CSMD1: variants seen among roughly 807,000 people sequenced by gnomAD.
CSMD1 encodes the protein CUB and Sushi multiple domains 1, also known as CUB and sushi domain-containing protein 1.
CSMD1 carries 213 observed loss-of-function variants against 417.5 expected under a neutral mutation model. The ratio of observed to expected loss-of-function variants is 0.51; its 90% CI spans 0.46 to 0.57. The LOEUF (loss-of-function observed/expected upper bound fraction) is 0.57. Among genes scored for constraint, CSMD1 ranks in the 20% least tolerant of loss-of-function variants. CSMD1 has a pLI of 0.00. For missense variants in CSMD1, 6,923 were observed against 4,529.7 expected (o/e 1.53, Z -15.17); for synonymous variants, 2,862 against 1,736.8 (o/e 1.65, Z -16.11).
rs777317609 is a variant in CSMD1, at chr8:3,899,248, G to A, written c.818+98655C>T. Among the ~76,000 whole-genome samples the A allele has an allele frequency of 2.2e-4, 33 of 152,166 alleles. 1 individual carries two copies. Among genetic ancestry groups the A allele is most frequent in the Non-Finnish European group, 4.6e-4 (31 of 68,028 alleles). On this transcript the variant is annotated intron_variant, in intron 5 of 69. Transcript: ENST00000635120. ...GCACAGGAAAGTTGGCACCAGTGTG[G>A]GCAGCCAAGGGAAAGGAGCTCCCCG... is the stretch of plus-strand genomic sequence containing the variant.
intron 3 of CSMD1, among the ~76,000 whole-genome samples, chr8:4,158,297 C>T (rs772677722): frequency 8.2e-4 from 125 of 152,150 alleles, no homozygotes; most frequent in African/African-American, 2.9e-3. Flanking sequence ...AAGTACATGT[C>T]AAGCCCTTGG....
chr8:4,225,126 C>G (rs1347487550), intron 3 of CSMD1, among the ~76,000 whole-genome samples: 1 of 152,036 alleles, frequency 6.6e-6, no homozygotes, highest in African/African-American at 2.4e-5. Flanking sequence ...AAAGAAAAAT[C>G]CTGAAATTCA....
intron 12 of CSMD1, among the ~76,000 whole-genome samples, chr8:3,446,979 G>C (rs1184139053): frequency 1.3e-5 from 2 of 152,196 alleles, no homozygotes; most frequent in Non-Finnish European, 2.9e-5. Context: ...TAACAAAGGA[G>C]TTGAAGATGT....
rs1029295020 is a variant in CSMD1, at chr8:3,997,799, C to G, written c.818+104G>C. On this transcript the variant is annotated intron_variant, in intron 5 of 69. Transcript: ENST00000635120. Reference sequence around the variant, plus strand: ...CAAGGCGAAAAAAGGAACACACATGCTTGCCCATGAACGTCCAGAGACAAG... The same window carrying G: ...CAAGGCGAAAAAAGGAACACACATGGTTGCCCATGAACGTCCAGAGACAAG... 4.9e-6 allele frequency: 5 copies of G among 1,021,892 alleles called. No individual in the cohort carries two copies. The African/African-American group carries it at 6.4e-5, about 13-fold the overall frequency. 63.3% of individuals were successfully genotyped at this position (1,021,892 alleles called of 1,614,324 possible). A position where few individuals can be genotyped will look rare whatever the true frequency, so the allele number is the denominator to read the frequency against.
chr8:4,653,911 A>G (rs977071443), intron 1 of CSMD1, among the ~76,000 whole-genome samples: 3 of 151,258 alleles, frequency 2.0e-5, no homozygotes, highest in Non-Finnish European at 4.4e-5. Flanking sequence ...CTCAGTAGTC[A>G]TTTTTTTTTA....
At chr8:3,486,747 T>C (rs1818057347) in intron 11 of CSMD1, among the ~76,000 whole-genome samples, 1 of 152,210 alleles carries the variant, frequency 6.6e-6, no homozygotes. Context: ...ACACATCCAA[T>C]GGGTCCCCAA....
At chr8:3,682,900 G>A (rs942973611) in intron 7 of CSMD1, among the ~76,000 whole-genome samples, 3 of 152,146 alleles carry the variant, frequency 2.0e-5, no homozygotes, top group Non-Finnish European at 4.4e-5. Flanking sequence ...TAGAAACATG[G>A]ATGAAGCTGG....
intron 1 of CSMD1, among the ~76,000 whole-genome samples, chr8:4,908,569 T>C (rs1031889802): frequency 6.6e-6 from 1 of 151,928 alleles, no homozygotes; most frequent in African/African-American, 2.4e-5. Context: ...TTTTTCTCTT[T>C]TCATTTCAAT....
intron 3 of CSMD1, among the ~76,000 whole-genome samples, chr8:4,252,104 G>A (rs775319067): frequency 1.3e-5 from 2 of 152,160 alleles, no homozygotes; most frequent in Non-Finnish European, 2.9e-5. Flanking sequence ...AAACAGTACA[G>A]GTGGTAGAGA....
chr8:4,025,799 C>G (rs11779756), intron 4 of CSMD1, among the ~76,000 whole-genome samples: 1 of 152,070 alleles, frequency 6.6e-6, no homozygotes, highest in Non-Finnish European at 1.5e-5. Context: ...GCAAAGGTGA[C>G]TGGCCTCTGA....
chr8:2,990,227 C>A (rs75583381), intron 54 of CSMD1, among the ~76,000 whole-genome samples: 1 of 152,168 alleles, frequency 6.6e-6, no homozygotes, highest in African/African-American at 2.4e-5. Flanking sequence ...GAGGCTGACA[C>A]TAATATCTGT....
intron 2 of CSMD1, among the ~76,000 whole-genome samples, chr8:4,425,894 G>A (rs1034597714): frequency 3.9e-5 from 6 of 151,994 alleles, no homozygotes; most frequent in Admixed American, 6.6e-5. Flanking sequence ...TATGACATAT[G>A]TTACTCCCTA....
intron 25 of CSMD1, among the ~76,000 whole-genome samples, chr8:3,287,406 T>G (rs1046053650): frequency 1.3e-5 from 2 of 152,302 alleles, no homozygotes; most frequent in Non-Finnish European, 1.5e-5. Flanking sequence ...ATGGCCATTT[T>G]CACAATATTG....
At chr8:2,999,483 A>G (rs1807210088) in intron 53 of CSMD1, among the ~76,000 whole-genome samples, 1 of 152,208 alleles carries the variant, frequency 6.6e-6, no homozygotes, top group Non-Finnish European at 1.5e-5. Context: ...AAAAGAAAGA[A>G]TGCTTACAAA....
intron 2 of CSMD1, among the ~76,000 whole-genome samples, chr8:4,477,198 A>G (rs879800255): frequency 5.9e-5 from 9 of 152,172 alleles, no homozygotes; most frequent in Admixed American, 2.6e-4. Flanking sequence ...CCTCCAGCTG[A>G]GCCCAGCCCA....
intron 4 of CSMD1, among the ~76,000 whole-genome samples, chr8:4,010,482 C>G (rs574408487): frequency 3.3e-5 from 5 of 152,266 alleles, no homozygotes; most frequent in African/African-American, 1.2e-4. Flanking sequence ...ATTCTCCCCT[C>G]TCTTCCAACA....
At chr8:3,680,245 G>C (rs1585065080) in intron 7 of CSMD1, among the ~76,000 whole-genome samples, 1 of 152,252 alleles carries the variant, frequency 6.6e-6, no homozygotes, top group Non-Finnish European at 1.5e-5. Context: ...GATGAATCCA[G>C]GAGCTGGTTT....
At chr8:3,381,142 C>G (rs190323792) in intron 18 of CSMD1, among the ~76,000 whole-genome samples, 1 of 151,986 alleles carries the variant, frequency 6.6e-6, no homozygotes, top group African/African-American at 2.4e-5. Context: ...GAACAGGGTG[C>G]GTTCACCCAT....
At chr8:3,483,647 C>A (rs1323161006) in intron 11 of CSMD1, among the ~76,000 whole-genome samples, 1 of 151,922 alleles carries the variant, frequency 6.6e-6, no homozygotes, top group Non-Finnish European at 1.5e-5. Context: ...AGATAGTATT[C>A]AACTGATACC....
Sources: allele counts gnomAD v4.1 joint callset (sites outside exome capture counted in the v4.1 genomes callset), GRCh38; gene constraint gnomAD v4.1.1; transcripts MANE v1.5; gene names NCBI Gene and HGNC (gene_info 2026-07-23, HGNC 2026-07-21).